The following RDH14 variants were observed in gnomAD, a reference collection of about 807,000 sequenced individuals.
The protein encoded by RDH14 is alcohol dehydrogenase PAN2.
Under a neutral mutation model 19.3 loss-of-function variants are expected in RDH14, and 17 were observed. The ratio of observed to expected loss-of-function variants is 0.88; its 90% CI spans 0.60 to 1.32. The LOEUF (loss-of-function observed/expected upper bound fraction) is 1.32, where lower values mean the gene tolerates loss of function less well. RDH14 is among the 40% of genes most tolerant of loss of function. RDH14 has a pLI of 0.00. For missense variants in RDH14, 534 were observed against 449.2 expected (o/e 1.19, Z -1.71); for synonymous variants, 215 against 188.9 (o/e 1.14, Z -1.13).
Position 18,555,819 on chromosome 2 carries a change from C to T in RDH14, c.394-11G>A. 1 of 1,579,960 alleles carries T rather than the reference C, an allele frequency of 6.3e-7. No individual in the cohort carries two copies. Reference sequence around the variant, plus strand: ...CAGCCTAGGCTCTTCCTTTAAATGTCAAAAAGAGAATGGCAGAATTATTAA... The same window carrying T: ...CAGCCTAGGCTCTTCCTTTAAATGTTAAAAAGAGAATGGCAGAATTATTAA... On this transcript the variant is annotated splice_polypyrimidine_tract_variant and intron_variant, in intron 1 of 1. Coordinates refer to ENST00000381249, the MANE Select transcript of RDH14 (RefSeq NM_020905.4).
chr2:18,558,247 A>C (rs1663978325), intron 1 of RDH14, among the ~76,000 whole-genome samples: 1 of 152,238 alleles, frequency 6.6e-6, no homozygotes, highest in South Asian at 2.1e-4. Context: ...TGGTGTAATG[A>C]CCAACAGAGA....
chr2:18,560,619 C>T lies in RDH14; in HGVS notation c.-47G>A, dbSNP rs1572274463. The T allele has an allele frequency of 7.2e-7, 1 of 1,384,472 alleles. No individual in the cohort carries two copies. The highest frequency in any genetic ancestry group is 9.3e-7 in the Non-Finnish European group (1 of 1,079,106). The allele number at this position is 1,384,472 out of a possible 1,614,324, so 85.8% of individuals were successfully genotyped here. On this transcript the variant is annotated 5_prime_UTR_variant, in exon 1 of 2. Coordinates refer to ENST00000381249, the MANE Select transcript of RDH14 (RefSeq NM_020905.4). The stretch of plus-strand genomic sequence containing the variant: ...GGCCCCTCCACGGGAGTTCCGCAGC[C>T]GCCGCCTTACCGGAACCCAAGAGAC...
Position 18,560,610 on chromosome 2 carries a change from T to G in RDH14, c.-38A>C, listed in dbSNP as rs1664091590. Reference sequence around the variant, plus strand: ...GGGCCCACCGGCCCCTCCACGGGAGTTCCGCAGCCGCCGCCTTACCGGAAC... The same window carrying G: ...GGGCCCACCGGCCCCTCCACGGGAGGTCCGCAGCCGCCGCCTTACCGGAAC... On this transcript the variant is annotated 5_prime_UTR_variant, in exon 1 of 2. Transcript: ENST00000381249. 7 of 1,385,650 alleles carry G rather than the reference T, an allele frequency of 5.1e-6. No homozygotes were observed. The highest frequency in any genetic ancestry group is 6.5e-6 in the Non-Finnish European group (7 of 1,079,866). 85.8% of individuals were successfully genotyped at this position (1,385,650 alleles called of 1,614,324 possible). A position where few individuals can be genotyped will look rare whatever the true frequency, so the allele number is the denominator to read the frequency against.
rs1194603244 is a variant in RDH14, at chr2:18,555,758, G to T, written c.444C>A (p.Cys148Ter). ...ACCCATCTTCAGTCTTCATGTAAGG[G>T]CACTGGAAGATCCCTGCGTTATTGA... ...VLINNAGIFQ[C>*]PYMKTEDGFE... The change falls in exon 2 of 2, where the codon TGC becomes TGA. Residue 148 changes from cysteine to a stop codon, truncating the protein, a stop_gained. Transcript: ENST00000381249. LOFTEE classifies it high-confidence loss of function. 1 of 1,613,710 alleles carries T rather than the reference G, an allele frequency of 6.2e-7. No homozygotes were observed. The highest frequency in any genetic ancestry group is 8.5e-7 in the Non-Finnish European group (1 of 1,179,800).
At position 18,555,232 on chromosome 2, in the gene RDH14, G is replaced by C; in HGVS notation, c.970C>G (p.Leu324Val). ...ACCATCACTTCACTGATATCCCAGA[G>C]TTTTCTTGCAACAGATTCATCCATA... Reference protein sequence around the residue: ...KAMDESVARKLWDISEVMVGL... With the variant: ...KAMDESVARKVWDISEVMVGL... Residue 324 changes from leucine (L) to valine (V), a missense_variant, in exon 2 of 2, where the codon CTC becomes GTC. By Grantham distance (32) the Leu-to-Val change is conservative. Coordinates refer to ENST00000381249, the MANE Select transcript of RDH14 (RefSeq NM_020905.4). 6.2e-7 allele frequency: 1 copy of C among 1,614,008 alleles called. No individual in the cohort carries two copies.
rs777947764 is a variant in RDH14, at chr2:18,555,225, T to G, written c.977A>C (p.Asp326Ala). The G allele has an allele frequency of 1.2e-6, 2 of 1,614,066 alleles. No homozygotes were observed. The highest frequency in any genetic ancestry group is 2.2e-5 in the South Asian group (2 of 91,074). The stretch of plus-strand genomic sequence containing the variant: ...CAGGCCAACCATCACTTCACTGATA[T>G]CCCAGAGTTTTCTTGCAACAGATTC... ...MDESVARKLW[D>A]ISEVMVGLLK Residue 326 changes from aspartate to alanine, a missense_variant, in exon 2 of 2, where the codon GAT (aspartate) becomes GCT (alanine). Coordinates refer to ENST00000381249, the MANE Select transcript of RDH14 (RefSeq NM_020905.4).
Position 18,555,596 on chromosome 2 carries a change from A to G in RDH14, c.606T>C (p.Phe202=). ...SKLYKYGDIN[F]DDLNSEQSYN... is the part of the protein sequence containing the mutation. ...AGCTTTGTTCACTGTTCAAGTCATC[A>G]AAATTGATGTCTCCGTATTTATAAA... is the stretch of plus-strand genomic sequence containing the variant. Residue 202 remains phenylalanine, a synonymous_variant, in exon 2 of 2, where the codon TTT becomes TTC. Coordinates refer to ENST00000381249, the MANE Select transcript of RDH14 (RefSeq NM_020905.4). 2 of 1,614,134 alleles carry G rather than the reference A, an allele frequency of 1.2e-6. No individual in the cohort carries two copies. Among genetic ancestry groups the G allele is most frequent in the Non-Finnish European group, 1.7e-6 (2 of 1,179,980 alleles).
At position 18,560,327 on chromosome 2, in the gene RDH14, C is replaced by T. The variant is rs1341811954; in HGVS notation, c.246G>A (p.Glu82=). Residue 82 remains glutamate (E), a synonymous_variant, in exon 1 of 2, where the codon GAG becomes GAA. Coordinates refer to ENST00000381249, the MANE Select transcript of RDH14 (RefSeq NM_020905.4). ...MGCRDRARAE[E]AAGQLRRELR... Reference sequence around the variant, plus strand: ...GCTCGCGGCGGAGCTGACCCGCCGCCTCCTCGGCGCGCGCGCGGTCCCGGC... The same window carrying T: ...GCTCGCGGCGGAGCTGACCCGCCGCTTCCTCGGCGCGCGCGCGGTCCCGGC... 7.1e-7 allele frequency: 1 copy of T among 1,413,586 alleles called. No individual in the cohort carries two copies. The highest frequency in any genetic ancestry group is 9.1e-7 in the Non-Finnish European group (1 of 1,096,750). The allele number at this position is 1,413,586 out of a possible 1,614,324, so 87.6% of individuals were successfully genotyped here. A position where few individuals can be genotyped will look rare whatever the true frequency, so the allele number is the denominator to read the frequency against.
At position 18,555,522 on chromosome 2, in the gene RDH14, A is replaced by AAAAG. The variant is rs774413909; in HGVS notation, c.676_679dup (p.Phe227SerfsTer69). 1.2e-6 allele frequency: 2 copies of AAAAG among 1,614,058 alleles called. No individual in the cohort carries two copies. The highest frequency in any genetic ancestry group is 1.7e-6 in the Non-Finnish European group (2 of 1,180,014). ...TAAGCGGCGGGCTAGTTCCCTGGTA[A>AAAAG]AAAGAATGTTAGCCAGTTTGCTCCG... On this transcript the variant is annotated frameshift_variant, in exon 2 of 2. Transcript: ENST00000381249. LOFTEE classifies it high-confidence loss of function.
chr2:18,555,705 A>G lies in RDH14; in HGVS notation c.497T>C (p.Leu166Pro). The G allele has an allele frequency of 6.2e-7, 1 of 1,614,134 alleles. No individual in the cohort carries two copies. The highest frequency in any genetic ancestry group is 1.1e-5 in the South Asian group (1 of 91,080). Reference sequence around the variant, plus strand: ...AAGATTGGTGAGTAGAAAGTGCCCCAGATGGTTCACTCCGAACTGCATCTC... The same window carrying G: ...AAGATTGGTGAGTAGAAAGTGCCCCGGATGGTTCACTCCGAACTGCATCTC... ...GFEMQFGVNH[L>P]GHFLLTNLLL... is the part of the protein sequence containing the mutation. Residue 166 changes from leucine (L) to proline (P), a missense_variant, in exon 2 of 2, where the codon CTG becomes CCG. Physicochemically the swap from Leu to Pro is moderately conservative, Grantham distance 98. Coordinates refer to ENST00000381249, the MANE Select transcript of RDH14 (RefSeq NM_020905.4).
At chr2:18,559,248 A>G (rs568883953) in intron 1 of RDH14, among the ~76,000 whole-genome samples, 14 of 152,268 alleles carry the variant, frequency 9.2e-5, no homozygotes, top group East Asian at 1.9e-4. Flanking sequence ...TTCTACCTCA[A>G]TCTCAACGGA....
At chr2:18,555,914 T>G (rs1452627997) in intron 1 of RDH14, 106 bp from the exon 2 acceptor site, 6 of 1,476,940 alleles carry the variant, frequency 4.1e-6, no homozygotes, top group Non-Finnish European at 5.4e-6. Context: ...CACTTGAGAC[T>G]AAAAGCATTT....
intron 1 of RDH14, 97 bp downstream of exon 1, chr2:18,560,083 C>A: frequency 7.4e-7 from 1 of 1,347,576 alleles, no homozygotes; most frequent in Non-Finnish European, 9.8e-7. Flanking sequence ...ACACCCTGAA[C>A]CCCAGGGCGG....
chr2:18,560,504 C>T lies in RDH14; in HGVS notation c.69G>A (p.Arg23=). ...LGGALWLAAR[R]FVGPRVQRLR... Reference sequence around the variant, plus strand: ...GCCGCTGGACCCTGGGCCCCACGAACCGGCGGGCCGCCAGCCACAGCGCCC... The same window carrying T: ...GCCGCTGGACCCTGGGCCCCACGAATCGGCGGGCCGCCAGCCACAGCGCCC... Residue 23 remains arginine, a synonymous_variant, in exon 1 of 2, where the codon CGG becomes CGA. Coordinates refer to ENST00000381249, the MANE Select transcript of RDH14 (RefSeq NM_020905.4). 1 of 1,512,462 alleles carries T rather than the reference C, an allele frequency of 6.6e-7. No homozygotes were observed. The highest frequency in any genetic ancestry group is 8.8e-7 in the Non-Finnish European group (1 of 1,138,406). 93.7% of individuals were successfully genotyped at this position (1,512,462 alleles called of 1,614,324 possible).
At position 18,555,373 on chromosome 2, in the gene RDH14, T is replaced by C; in HGVS notation, c.829A>G (p.Lys277Glu). 1 of 1,614,038 alleles carries C rather than the reference T, an allele frequency of 6.2e-7. No homozygotes were observed. Among genetic ancestry groups the C allele is most frequent in the Non-Finnish European group, 8.5e-7 (1 of 1,179,962 alleles). The change falls in exon 2 of 2, where the codon AAA becomes GAA. Residue 277 changes from lysine (K) to glutamate (E), a missense_variant. Physicochemically the swap from Lys to Glu is moderately conservative, Grantham distance 56 (BLOSUM62 1). Coordinates refer to ENST00000381249, the MANE Select transcript of RDH14 (RefSeq NM_020905.4). ...GTCTGGGCACCTTCTACTGGAGTTT[T>C]GAAAAAAGCCCATGACACCAAATTG... ...LFNLVSWAFFKTPVEGAQTSI... is the reference protein window; with the variant it reads ...LFNLVSWAFFETPVEGAQTSI...
rs2148056621 is a variant in RDH14 at position 18,560,211 on chromosome 2, G to A, written c.362C>T (p.Ser121Leu). Residue 121 changes from serine (S) to leucine (L), a missense_variant, in exon 1 of 2, where the codon TCG becomes TTG. Transcript: ENST00000381249. ...VRELDLASLRSVRAFCQEMLQ... is the reference protein window; with the variant it reads ...VRELDLASLRLVRAFCQEMLQ... ...CATTTCCTGGCAGAAGGCGCGCACC[G>A]AGCGCAGCGAGGCGAGGTCCAGCTC... 1 of 1,527,414 alleles carries A rather than the reference G, an allele frequency of 6.5e-7. No individual in the cohort carries two copies. The allele number at this position is 1,527,414 out of a possible 1,614,324, so 94.6% of individuals were successfully genotyped here.
chr2:18,557,056 T>G (rs1663942043), intron 1 of RDH14, among the ~76,000 whole-genome samples: 1 of 152,246 alleles, frequency 6.6e-6, no homozygotes, highest in Non-Finnish European at 1.5e-5. Context: ...AGGAGATCTG[T>G]ACAGTCAACA....
chr2:18,556,997 GA>G (rs1008792486), intron 1 of RDH14, among the ~76,000 whole-genome samples: 20 of 152,172 alleles, frequency 1.3e-4, no homozygotes, highest in African/African-American at 4.6e-4. Flanking sequence ...CAAAGATTAA[GA>G]AAAAAATAAT....
rs1558354475 is a variant in RDH14, at chr2:18,555,191, C to T, written c.1011G>A (p.Ter337=). ...ISEVMVGLLK[*] ...TAAACAGCTCTTTTACTCCTTGTTCCTATTTTAGCAGGCCAACCATCACTT... is the reference window on the plus strand; with the variant it reads ...TAAACAGCTCTTTTACTCCTTGTTCTTATTTTAGCAGGCCAACCATCACTT... The change falls in exon 2 of 2, where the codon TAG becomes TAA. Residue 337 remains the stop codon, a stop_retained_variant. Coordinates refer to ENST00000381249, the MANE Select transcript of RDH14 (RefSeq NM_020905.4). The T allele has an allele frequency of 6.2e-7, 1 of 1,612,248 alleles. No homozygotes were observed. The highest frequency in any genetic ancestry group is 8.5e-7 in the Non-Finnish European group (1 of 1,178,712).
Sources: allele counts gnomAD v4.1 joint callset (sites outside exome capture counted in the v4.1 genomes callset), GRCh38; gene constraint gnomAD v4.1.1; transcripts MANE v1.5; gene names NCBI Gene and HGNC (gene_info 2026-07-23, HGNC 2026-07-21).